MAPK4: variants seen among roughly 807,000 people sequenced by gnomAD.
The protein encoded by MAPK4 is Erk3-related.
A neutral mutation model predicts 47.7 loss-of-function variants in MAPK4; 22 were observed. The ratio of observed to expected loss-of-function variants is 0.46; its 90% confidence interval spans 0.33 to 0.66. The LOEUF (loss-of-function observed/expected upper bound fraction) is 0.66, where lower values mean the gene tolerates loss of function less well. Ranked by LOEUF, MAPK4 falls within the 30% of genes least tolerant of loss-of-function variation. The pLI, the probability that MAPK4 is intolerant of heterozygous loss-of-function variation, is 0.02. For missense variants in MAPK4, 736 were observed against 831.7 expected, an observed-to-expected ratio of 0.88 and a Z score of 1.42; for synonymous variants, 390 against 365.7, an observed-to-expected ratio of 1.07 and a Z score of -0.76.
intron 1 of MAPK4, among the ~76,000 whole-genome samples, chr18:50,611,016 C>T (rs1209394493): frequency 6.6e-6 from 1 of 152,128 alleles, no homozygotes; most frequent in Non-Finnish European, 1.5e-5. Context: ...TGTGTCCAGC[C>T]CTGGGCCAGG....
At chr18:50,600,384 T>TTCC (rs1390976637) in intron 1 of MAPK4, among the ~76,000 whole-genome samples, 1 of 152,206 alleles carries the variant, frequency 6.6e-6, no homozygotes, top group Non-Finnish European at 1.5e-5. Context: ...GTTGAAGGCA[T>TTCC]TCCTCCTCCT....
intron 1 of MAPK4, among the ~76,000 whole-genome samples, chr18:50,625,958 G>A (rs940917614): frequency 1.3e-5 from 2 of 151,592 alleles, no homozygotes; most frequent in Admixed American, 6.6e-5. Flanking sequence ...TAAGGACTCA[G>A]CTCAAGTGAT....
intron 2 of MAPK4, among the ~76,000 whole-genome samples, chr18:50,690,471 C>T (rs1197532341): frequency 6.6e-6 from 1 of 152,168 alleles, no homozygotes; most frequent in Non-Finnish European, 1.5e-5. Context: ...GAGAGCAAGA[C>T]ATTCAGAACA....
At chr18:50,724,139 G>A (rs1911075381) in intron 4 of MAPK4, among the ~76,000 whole-genome samples, 1 of 152,118 alleles carries the variant, frequency 6.6e-6, no homozygotes, top group Non-Finnish European at 1.5e-5. Flanking sequence ...AGCCTCCCGA[G>A]TAGCTGGCAC....
chr18:50,703,375 G>A (rs1440236560), intron 2 of MAPK4, among the ~76,000 whole-genome samples: 2 of 152,218 alleles, frequency 1.3e-5, no homozygotes, highest in Admixed American at 6.5e-5. Flanking sequence ...TGGAGTGAAA[G>A]TAGCTGGCAT....
Position 50,729,363 on chromosome 18 carries a change from G to A in MAPK4, c.1273G>A (p.Gly425Arg). 1.3e-6 allele frequency: 2 copies of A among 1,576,682 alleles called. No individual in the cohort carries two copies. The highest frequency in any genetic ancestry group is 1.7e-6 in the Non-Finnish European group (2 of 1,162,874). Residue 425 changes from glycine to arginine, a missense_variant, in exon 6 of 6, where the codon GGG (glycine) becomes AGG (arginine). By Grantham distance (125) the Gly-to-Arg change is moderately radical. Around this residue, in one of 3 missense-constraint regions of MAPK4, gnomAD observed 377 missense variants for 378.6 expected, o/e 1.00. Transcript: ENST00000400384. ...GGAGCGCGCCTTCGAGGCCGACTACGGGCGCTCCTGCGACTACAAGGTGGG... is the reference window on the plus strand; with the variant it reads ...GGAGCGCGCCTTCGAGGCCGACTACAGGCGCTCCTGCGACTACAAGGTGGG... ...SMERAFEADY[G>R]RSCDYKVGSP... is the part of the protein sequence containing the mutation.
At chr18:50,644,490 T>C (rs1253248740) in intron 1 of MAPK4, among the ~76,000 whole-genome samples, 1 of 152,156 alleles carries the variant, frequency 6.6e-6, no homozygotes, top group Non-Finnish European at 1.5e-5. Flanking sequence ...ACTGCTTTCC[T>C]TACCTTATCC....
chr18:50,727,768 A>G (rs1192077427), intron 5 of MAPK4, among the ~76,000 whole-genome samples: 1 of 152,216 alleles, frequency 6.6e-6, no homozygotes, highest in Non-Finnish European at 1.5e-5. Context: ...GCCCAAGGGA[A>G]GAGGATGACA....
At chr18:50,722,223 A>C in intron 4 of MAPK4, 124 bp downstream of exon 4, 1 of 1,115,128 alleles carries the variant, frequency 9.0e-7, no homozygotes, top group Non-Finnish European at 1.2e-6. Context: ...TATAAAAGTC[A>C]AGGCTCCCCT....
chr18:50,657,898 G>A (rs554763708), intron 1 of MAPK4, among the ~76,000 whole-genome samples: 1 of 152,070 alleles, frequency 6.6e-6, no homozygotes, highest in Non-Finnish European at 1.5e-5. Flanking sequence ...AACCAGACCT[G>A]GTTTGTTCGT....
At chr18:50,620,010 T>G (rs1410407095) in intron 1 of MAPK4, among the ~76,000 whole-genome samples, 1 of 152,238 alleles carries the variant, frequency 6.6e-6, no homozygotes, top group Non-Finnish European at 1.5e-5. Context: ...GCTGTGCAAC[T>G]TCTTTATTTG....
At chr18:50,631,257 G>A (rs1311567507) in intron 1 of MAPK4, among the ~76,000 whole-genome samples, 2 of 152,042 alleles carry the variant, frequency 1.3e-5, no homozygotes, top group African/African-American at 2.4e-5. Flanking sequence ...CTTAAGCATA[G>A]CGCTGAGGTG....
intron 2 of MAPK4, among the ~76,000 whole-genome samples, chr18:50,701,685 T>C (rs1044778283): frequency 3.9e-5 from 6 of 152,098 alleles, no homozygotes; most frequent in Non-Finnish European, 8.8e-5. Context: ...TAGGACATCA[T>C]CAACAACTTG....
chr18:50,691,617 A>T (rs1909221285), intron 2 of MAPK4, among the ~76,000 whole-genome samples: 1 of 152,210 alleles, frequency 6.6e-6, no homozygotes, highest in South Asian at 2.1e-4. Flanking sequence ...ATGCCATATG[A>T]CATCCAAGTT....
intron 1 of MAPK4, among the ~76,000 whole-genome samples, chr18:50,592,323 A>C (rs978697481): frequency 2.6e-5 from 4 of 152,200 alleles, no homozygotes; most frequent in African/African-American, 9.7e-5. Context: ...TTTGACAAAT[A>C]AAAATCTATA....
intron 1 of MAPK4, among the ~76,000 whole-genome samples, chr18:50,615,804 A>C (rs1371149719): frequency 6.6e-6 from 1 of 152,232 alleles, no homozygotes; most frequent in African/African-American, 2.4e-5. Context: ...GACAGATAGG[A>C]AAGAGCTTTG....
intron 3 of MAPK4, 138 bp from the exon 4 acceptor site, chr18:50,721,800 A>C: frequency 1.3e-6 from 1 of 741,800 alleles, no homozygotes; most frequent in Non-Finnish European, 2.1e-6. Flanking sequence ...GCAAATGAAG[A>C]CCAGAACCCC....
intron 2 of MAPK4, among the ~76,000 whole-genome samples, chr18:50,683,906 T>TC: frequency 6.6e-6 from 1 of 152,174 alleles, no homozygotes; most frequent in South Asian, 2.1e-4. Context: ...TCTCTGGATG[T>TC]CCCCCTTAAG....
At chr18:50,725,012 T>C (rs1431101187) in intron 4 of MAPK4, among the ~76,000 whole-genome samples, 2 of 152,180 alleles carry the variant, frequency 1.3e-5, no homozygotes, top group Non-Finnish European at 1.5e-5. Context: ...CACCCACCCC[T>C]GCTCAAGGGA....
Sources: gnomAD v4.1 joint callset for allele counts (sites outside exome capture counted in the v4.1 genomes callset) on GRCh38, gnomAD v4.1.1 for gene constraint, gnomAD v4.1.1 regional missense constraint, MANE v1.5 for transcripts, NCBI Gene and HGNC (gene_info 2026-07-23, HGNC 2026-07-21) for gene names.